The following IMMP2L variants were observed in gnomAD, a reference collection of about 807,000 sequenced individuals.
The protein encoded by IMMP2L is mitochondrial inner membrane protease subunit 2.
In IMMP2L, 18 loss-of-function variants were observed where a neutral mutation model predicts 19.3. That is an observed-to-expected ratio of 0.93 (90% CI 0.64 to 1.38). IMMP2L has a LOEUF of 1.38. IMMP2L is among the 40% of genes most tolerant of loss of function. IMMP2L has a pLI of 0.00. For missense variants in IMMP2L, 233 were observed against 218.2 expected (o/e 1.07, Z -0.43); for synonymous variants, 76 against 73.0 (o/e 1.04, Z -0.21).
At chr7:110,882,290 T>TGCCTGCCTGCCTTCCTTCCTTCCC (rs376435278) in intron 5 of IMMP2L, among the ~76,000 whole-genome samples, 1 of 57,058 alleles carries the variant, frequency 1.8e-5, no homozygotes, top group African/African-American at 5.7e-5. Flanking sequence ...GTCAAGTGCC[T>TGCCTGCCTGCCTTCCTTCCTTCCC]TCCTTCCTTC....
chr7:111,038,872 G>A (rs10487300), intron 3 of IMMP2L, among the ~76,000 whole-genome samples: 20,682 of 152,076 alleles, frequency 0.14, 1,501 homozygotes, highest in South Asian at 0.26. Context: ...TTCTCTCAAA[G>A]TACAAGTAAT....
chr7:111,021,327 C>A (rs1389920638), intron 3 of IMMP2L, among the ~76,000 whole-genome samples: 1 of 152,188 alleles, frequency 6.6e-6, no homozygotes, highest in Non-Finnish European at 1.5e-5. Flanking sequence ...AAAATCCTAT[C>A]TGAAAGCAGG....
intron 3 of IMMP2L, among the ~76,000 whole-genome samples, chr7:111,024,458 C>G (rs1262926837): frequency 6.6e-6 from 1 of 152,130 alleles, no homozygotes; most frequent in African/African-American, 2.4e-5. Flanking sequence ...AGCTCCATCA[C>G]CTCAACCCAG....
intron 5 of IMMP2L, among the ~76,000 whole-genome samples, chr7:110,741,764 A>C (rs1328654999): frequency 6.6e-6 from 1 of 152,232 alleles, no homozygotes; most frequent in East Asian, 1.9e-4. Flanking sequence ...TAGAAATTAC[A>C]AAATATGAAC....
At chr7:111,006,955 T>C (rs1245481033) in intron 3 of IMMP2L, among the ~76,000 whole-genome samples, 1 of 152,122 alleles carries the variant, frequency 6.6e-6, no homozygotes. Flanking sequence ...CTATCATATT[T>C]CTGACTTCCC....
At chr7:110,963,607 G>T in intron 3 of IMMP2L, 42 bp from the exon 4 acceptor site, 1 of 1,246,132 alleles carries the variant, frequency 8.0e-7, no homozygotes, top group Non-Finnish European at 1.1e-6. Flanking sequence ...TTATGTCTAT[G>T]TTGTTTTAGG....
At chr7:110,678,342 T>C (rs1346741031) in intron 5 of IMMP2L, among the ~76,000 whole-genome samples, 2 of 152,162 alleles carry the variant, frequency 1.3e-5, no homozygotes, top group Admixed American at 6.5e-5. Flanking sequence ...AGTTTAAATA[T>C]GCTGTTTATA....
chr7:111,393,363 C>A (rs1832571034), intron 3 of IMMP2L, among the ~76,000 whole-genome samples: 1 of 152,162 alleles, frequency 6.6e-6, no homozygotes, highest in Non-Finnish European at 1.5e-5. Context: ...TGTTCCCTGG[C>A]TCTGCAACAG....
At chr7:111,505,392 C>G (rs1298426919) in intron 2 of IMMP2L, among the ~76,000 whole-genome samples, 4 of 151,790 alleles carry the variant, frequency 2.6e-5, no homozygotes, top group Non-Finnish European at 4.4e-5. Context: ...TAAACTAGTT[C>G]AACCATTGTG....
chr7:110,879,027 A>G lies in IMMP2L; in HGVS notation c.408+7566T>C, dbSNP rs572441902. 3.9e-5 allele frequency among the ~76,000 whole-genome samples: 6 copies of G among 152,330 alleles called. No homozygotes were observed. The East Asian group carries it at 1.2e-3, about 29-fold the overall frequency. ...TAGGCCTCACATATATTAGGGGACG[A>G]TCTAATATTTATAAGTAATGTGAAG... On this transcript the variant is annotated intron_variant, in intron 5 of 5. Transcript: ENST00000405709.
chr7:111,075,307 TA>T (rs1285871955), intron 3 of IMMP2L, among the ~76,000 whole-genome samples: 3 of 151,972 alleles, frequency 2.0e-5, no homozygotes, highest in Admixed American at 6.6e-5. Flanking sequence ...TTTGTGTTTT[TA>T]GTAGAGATGG....
intron 3 of IMMP2L, among the ~76,000 whole-genome samples, chr7:111,461,411 C>A (rs1433366903): frequency 1.5e-4 from 23 of 151,940 alleles, no homozygotes; most frequent in Admixed American, 1.5e-3. Context: ...CACATACACG[C>A]ACACGCACAG....
At chr7:110,935,669 G>A (rs1447346429) in intron 4 of IMMP2L, among the ~76,000 whole-genome samples, 1 of 152,016 alleles carries the variant, frequency 6.6e-6, no homozygotes, top group Non-Finnish European at 1.5e-5. Context: ...TACTACTGTT[G>A]ACTTTCTTCA....
intron 3 of IMMP2L, among the ~76,000 whole-genome samples, chr7:111,131,761 A>G (rs1241302512): frequency 6.6e-6 from 1 of 151,982 alleles, no homozygotes; most frequent in African/African-American, 2.4e-5. Context: ...TCCAATTTAT[A>G]TATCAGTCTC....
intron 3 of IMMP2L, among the ~76,000 whole-genome samples, chr7:111,028,237 G>A (rs1356752356): frequency 2.6e-5 from 4 of 152,058 alleles, no homozygotes; most frequent in Non-Finnish European, 1.5e-5. Flanking sequence ...GACTTACATT[G>A]ACAAGTCTAA....
intron 5 of IMMP2L, among the ~76,000 whole-genome samples, chr7:110,723,390 T>C (rs554743512): frequency 6.6e-6 from 1 of 152,362 alleles, no homozygotes; most frequent in South Asian, 2.1e-4. Flanking sequence ...AGCTGCCACA[T>C]GGCAATCTTG....
chr7:111,392,117 C>T, intron 3 of IMMP2L: 1 of 628,350 alleles, frequency 1.6e-6, no homozygotes, highest in Non-Finnish European at 2.9e-6. Context: ...ATTAGCGACC[C>T]AAGGAGGACC....
intron 5 of IMMP2L, among the ~76,000 whole-genome samples, chr7:110,819,950 T>C (rs954520907): frequency 1.4e-4 from 21 of 152,126 alleles, no homozygotes; most frequent in Non-Finnish European, 2.2e-4. Context: ...TTCATTTTGT[T>C]TTATTTAATT....
chr7:111,281,684 T>C (rs900740355), intron 3 of IMMP2L, among the ~76,000 whole-genome samples: 1 of 152,150 alleles, frequency 6.6e-6, no homozygotes, highest in African/African-American at 2.4e-5. Flanking sequence ...TCAGAAAATG[T>C]ACCAACATTC....
Sources: gnomAD v4.1 joint callset for allele counts (sites outside exome capture counted in the v4.1 genomes callset) on GRCh38, gnomAD v4.1.1 for gene constraint, MANE v1.5 for transcripts, NCBI Gene and HGNC (gene_info 2026-07-23, HGNC 2026-07-21) for gene names.